PHC3: variants seen among roughly 807,000 people sequenced by gnomAD.
PHC3 encodes polyhomeotic homolog 3.
Under a neutral mutation model 107.4 loss-of-function variants are expected in PHC3, and 13 were observed. That is an observed-to-expected ratio of 0.12 (90% CI 0.08 to 0.19). The LOEUF is 0.19. PHC3 is among the 10% of genes least tolerant of loss of function. The pLI is 1.00. For missense variants in PHC3, 992 were observed against 1,210.9 expected, an observed-to-expected ratio of 0.82 and a Z score of 2.68; for synonymous variants, 456 against 427.4, an observed-to-expected ratio of 1.07 and a Z score of -0.83.
In PHC3 at chr3:170,134,926, T is replaced by G. The variant is rs146710623; in HGVS notation, c.919+1493A>C. 5.8e-4 allele frequency among the ~76,000 whole-genome samples: 89 copies of G among 152,266 alleles called. 1 individual carries two copies. Among genetic ancestry groups the G allele is most frequent in the African/African-American group, 2.1e-3 (86 of 41,554 alleles). ...TTCAGAGGGAGGAGAAATTTCTAACTAGGGTAATCAGACAATGCCACAGTA... is the reference window on the plus strand; with the variant it reads ...TTCAGAGGGAGGAGAAATTTCTAACGAGGGTAATCAGACAATGCCACAGTA... On this transcript the variant is annotated intron_variant, in intron 7 of 14. Transcript: ENST00000495893.
At chr3:170,148,975 C>A in intron 5 of PHC3, 111 bp downstream of exon 5, 2 of 1,141,298 alleles carry the variant, frequency 1.8e-6, no homozygotes, top group Non-Finnish European at 2.5e-6. Flanking sequence ...CACACACACA[C>A]AATTAAACAT....
intron 9 of PHC3, 30 bp downstream of exon 9, chr3:170,122,561 A>C: frequency 6.2e-7 from 1 of 1,608,554 alleles, no homozygotes. Flanking sequence ...TCAAATAGAA[A>C]AATTCCCACA....
chr3:170,147,471 G>C (rs1230399349), intron 5 of PHC3: 1 of 152,122 alleles, frequency 6.6e-6, no homozygotes, highest in African/African-American at 2.4e-5. Flanking sequence ...AAGGCTCTGT[G>C]CTTCGTCATT....
At position 170,128,253 on chromosome 3, in the gene PHC3, T is replaced by C. The variant is rs1721673643; in HGVS notation, c.1788+431A>G. On this transcript the variant is annotated intron_variant, in intron 8 of 14. Transcript: ENST00000495893. ...CCCCTAAAAGCCCAAGACTCTAGGA[T>C]GCATAAAACTAAAAGGGTTAGGCTA... is the stretch of plus-strand genomic sequence containing the variant. The C allele has an allele frequency of 7.5e-6, 5 of 664,706 alleles. No homozygotes were observed. In the South Asian group the frequency reaches 1.0e-4, roughly 13 times the overall value. 41.2% of individuals were successfully genotyped at this position (664,706 alleles called of 1,614,324 possible).
chr3:170,117,375 G>T lies in PHC3; in HGVS notation c.2044C>A (p.Pro682Thr). The change falls in exon 10 of 15, where the codon CCA (proline) becomes ACA (threonine). Residue 682 changes from proline to threonine, a missense_variant. This residue lies in a region of PHC3 where 543 missense variants were observed against 590.8 expected (regional missense o/e 0.92). Coordinates refer to ENST00000495893, the MANE Select transcript of PHC3 (RefSeq NM_024947.4). ...VSVPPPPLLLPAATTRSNSTS... is the reference protein window; with the variant it reads ...VSVPPPPLLLTAATTRSNSTS... ...CTGTTACTCCTTGTGGTGGCAGCTGGAAGTAACAATGGAGGTGGTGGAACA... is the reference window on the plus strand; with the variant it reads ...CTGTTACTCCTTGTGGTGGCAGCTGTAAGTAACAATGGAGGTGGTGGAACA... 6.2e-7 allele frequency: 1 copy of T among 1,613,852 alleles called. No individual in the cohort carries two copies. Among genetic ancestry groups the T allele is most frequent in the Non-Finnish European group, 8.5e-7 (1 of 1,179,852 alleles).
At chr3:170,125,371 AG>A in intron 8 of PHC3, among the ~76,000 whole-genome samples, 1 of 152,332 alleles carries the variant, frequency 6.6e-6, no homozygotes, top group South Asian at 2.1e-4. Flanking sequence ...TTAGTGTCAG[AG>A]ATGTTAATTC....
At chr3:170,178,106 A>G (rs1264102823) in intron 2 of PHC3, among the ~76,000 whole-genome samples, 2 of 152,234 alleles carry the variant, frequency 1.3e-5, no homozygotes, top group South Asian at 2.1e-4. Flanking sequence ...ATTAGGCCAT[A>G]AGGACTCCGC....
rs1560064670 is a variant in PHC3, at chr3:170,129,088, A to G, written c.1384T>C (p.Leu462=). The G allele has an allele frequency of 6.2e-7, 1 of 1,612,016 alleles. No homozygotes were observed. Among genetic ancestry groups the G allele is most frequent in the East Asian group, 2.2e-5 (1 of 44,794 alleles). The change falls in exon 8 of 15, where the codon TTG becomes CTG. Residue 462 remains leucine, a synonymous_variant. Transcript: ENST00000495893. ...AGTGGAAGATGGGATGGAAGATTCA[A>G]CTGTGCTGTAGCTTGCACCTGATTA... The part of the protein sequence containing the change: ...TANQVQATAQ[L]NLPSHLPLPA...
chr3:170,156,738 C>T (rs1414008706), intron 4 of PHC3, among the ~76,000 whole-genome samples: 1 of 152,004 alleles, frequency 6.6e-6, no homozygotes. Flanking sequence ...GCTGGGATTA[C>T]AGGGCTTGCT....
chr3:170,131,021 T>G (rs978800337), intron 7 of PHC3, among the ~76,000 whole-genome samples: 9 of 152,104 alleles, frequency 5.9e-5, no homozygotes, highest in Admixed American at 5.2e-4. Flanking sequence ...TTCCACAACT[T>G]TTTAAAAAAA....
In PHC3 at chr3:170,143,108, G is replaced by A. The variant is rs903667594; in HGVS notation, c.672+2315C>T. ...GGGAGGATGGCTTGAGCCCAGGGAG[G>A]TCAAGGCTACAATGAGCCATGATTG... is the stretch of plus-strand genomic sequence containing the variant. On this transcript the variant is annotated intron_variant, in intron 6 of 14. Coordinates refer to ENST00000495893, the MANE Select transcript of PHC3 (RefSeq NM_024947.4). Among the ~76,000 whole-genome samples, 23 of 152,244 alleles carry A rather than the reference G, an allele frequency of 1.5e-4. No individual in the cohort carries two copies. In the Middle Eastern group the frequency reaches 0.01, roughly 68 times the overall value.
chr3:170,097,179 GT>G lies in PHC3; in HGVS notation c.*50del. 1 of 1,543,332 alleles carries G rather than the reference GT, an allele frequency of 6.5e-7. No individual in the cohort carries two copies. The highest frequency in any genetic ancestry group is 1.2e-5 in the South Asian group (1 of 80,716). On this transcript the variant is annotated 3_prime_UTR_variant, in exon 15 of 15. Transcript: ENST00000495893. This position sits in a 1 kb window ranked among gnomAD's most constrained non-coding sequence, Gnocchi z 4.1. ...ACCAAGTTAGGCCTTTACCTTACAA[GT>G]TTTTGTGAGAAAAGTAAAACTGCTG...
rs117310928 is a variant in PHC3, at chr3:170,117,226, A to G, written c.2193T>C (p.Pro731=). The G allele has an allele frequency of 1.2e-6, 2 of 1,614,034 alleles. No individual in the cohort carries two copies. Among genetic ancestry groups the G allele is most frequent in the East Asian group, 4.5e-5 (2 of 44,878 alleles). Residue 731 remains proline (P), a splice_region_variant and synonymous_variant, in exon 10 of 15, where the codon CCT becomes CCC. Coordinates refer to ENST00000495893, the MANE Select transcript of PHC3 (RefSeq NM_024947.4). ...ACACACAAATATGCTTGCTACTTACAGGAAATGGCTCCAATCCCTCCTGAA... is the reference window on the plus strand; with the variant it reads ...ACACACAAATATGCTTGCTACTTACGGGAAATGGCTCCAATCCCTCCTGAA... The part of the protein sequence containing the change: ...FVIQEGLEPF[P]VSRSSLLIEQ...
chr3:170,145,460 G>A lies in PHC3; in HGVS notation c.635C>T (p.Ser212Leu), dbSNP rs758643358. 8.1e-6 allele frequency: 13 copies of A among 1,613,548 alleles called. No homozygotes were observed. Among genetic ancestry groups the A allele is most frequent in the Admixed American group, 1.7e-5 (1 of 59,964 alleles). ...AGACTGACAGGAAGATGACGATGAC[G>A]ACGAGACAACAGGAATGTCAGACTG... ...AVQSDIPVVS[S>L]SSSSSCQSAA... The change falls in exon 6 of 15, where the codon TCG becomes TTG. Residue 212 changes from serine to leucine, a missense_variant. Around this residue, in one of 6 missense-constraint regions of PHC3, gnomAD observed 543 missense variants for 590.8 expected, o/e 0.92. Coordinates refer to ENST00000495893, the MANE Select transcript of PHC3 (RefSeq NM_024947.4).
At chr3:170,171,599 GT>G in intron 3 of PHC3, 149 bp from the exon 4 acceptor site, 1 of 582,812 alleles carries the variant, frequency 1.7e-6, no homozygotes, top group South Asian at 2.3e-5. Context: ...TTAAGCTTCG[GT>G]TAAACAGATT....
chr3:170,146,374 C>CA (rs1257938749), intron 5 of PHC3, among the ~76,000 whole-genome samples: 1,807 of 97,394 alleles, frequency 0.019, 40 homozygotes, highest in African/African-American at 0.062. Context: ...GACTCCATCT[C>CA]AAAAAAAAAA....
rs774035019 is a variant in PHC3 at position 170,095,948 on chromosome 3, T to C, written c.*1282A>G. 2 of 152,192 alleles carry C rather than the reference T, an allele frequency of 1.3e-5. No homozygotes were observed. The highest frequency in any genetic ancestry group is 2.4e-5 in the African/African-American group (1 of 41,454). 9.4% of individuals were successfully genotyped at this position (152,192 alleles called of 1,614,324 possible). ...ACGTTTGGTAAAGGAAGTAGGAATG[T>C]GCATTCTAGCTAGTCCCAGCATGTT... On this transcript the variant is annotated 3_prime_UTR_variant, in exon 15 of 15. Coordinates refer to ENST00000495893, the MANE Select transcript of PHC3 (RefSeq NM_024947.4).
In PHC3 at chr3:170,113,532, A is replaced by G. The variant is rs757449282; in HGVS notation, c.2194-13T>C. On this transcript the variant is annotated splice_polypyrimidine_tract_variant and intron_variant, in intron 10 of 14. Coordinates refer to ENST00000495893, the MANE Select transcript of PHC3 (RefSeq NM_024947.4). ...AGGAACGACTCACCTTTAAAAAAGG[A>G]GAAATAATAAAATGAAACAATCTCC... 101 of 1,576,812 alleles carry G rather than the reference A, an allele frequency of 6.4e-5. No homozygotes were observed. The East Asian group carries it at 2.3e-3, about 35-fold the overall frequency.
Position 170,179,552 on chromosome 3 carries a change from C to T in PHC3, c.15-614G>A, listed in dbSNP as rs1577303828. Among the ~76,000 whole-genome samples the T allele has an allele frequency of 2.0e-5, 3 of 152,310 alleles. No individual in the cohort carries two copies. In the South Asian group the frequency reaches 6.2e-4, roughly 32 times the overall value. ...CTAATAGCTGAGTTATACTTATTAGCAGATTGCTGTGAGAACACAGAGAAG... is the reference window on the plus strand; with the variant it reads ...CTAATAGCTGAGTTATACTTATTAGTAGATTGCTGTGAGAACACAGAGAAG... On this transcript the variant is annotated intron_variant, in intron 1 of 14. Transcript: ENST00000495893.
Sources: allele counts gnomAD v4.1 joint callset (sites outside exome capture counted in the v4.1 genomes callset), GRCh38; gene constraint gnomAD v4.1.1; regional missense constraint gnomAD v4.1.1; non-coding constraint Gnocchi (gnomAD v3.1); transcripts MANE v1.5; gene names NCBI Gene and HGNC (gene_info 2026-07-23, HGNC 2026-07-21).